The following SWT1 variants were observed in gnomAD, a reference collection of about 807,000 sequenced individuals.
The protein encoded by SWT1 is SWT1 RNA endoribonuclease homolog, also known as transcriptional protein SWT1.
Under a neutral mutation model 107.3 loss-of-function variants are expected in SWT1, and 33 were observed. That is an observed-to-expected ratio of 0.31 (90% CI 0.23 to 0.41). The LOEUF is 0.41. Among genes scored for constraint, SWT1 ranks in the 10% least tolerant of loss-of-function variants. SWT1 has a pLI of 1.00. For missense variants in SWT1, 898 were observed against 1,028.9 expected, an observed-to-expected ratio of 0.87 and a Z score of 1.74; for synonymous variants, 345 against 348.3, an observed-to-expected ratio of 0.99 and a Z score of 0.11.
At position 185,187,625 on chromosome 1, in the gene SWT1, A is replaced by G. The variant is rs570037270; in HGVS notation, c.1429+2694A>G. Among the ~76,000 whole-genome samples the G allele has an allele frequency of 5.3e-5, 8 of 152,232 alleles. No individual in the cohort carries two copies. In the East Asian group the frequency reaches 1.5e-3, roughly 29 times the overall value. On this transcript the variant is annotated intron_variant, in intron 9 of 18. Transcript: ENST00000367500. ...ACTATGATTTATATAGAATTTATTT[A>G]TTCTGTATGTGAGTGAGGTCATTGA...
intron 16 of SWT1, among the ~76,000 whole-genome samples, chr1:185,239,649 C>A (rs1195042583): frequency 1.3e-5 from 2 of 151,902 alleles, no homozygotes; most frequent in Non-Finnish European, 1.5e-5. Context: ...AATTTGAGCA[C>A]TTTTGTTAAT....
intron 18 of SWT1, among the ~76,000 whole-genome samples, chr1:185,277,575 C>CCA (rs1262805181): frequency 6.6e-6 from 1 of 152,160 alleles, no homozygotes; most frequent in African/African-American, 2.4e-5. Flanking sequence ...CAGGCTTGAG[C>CCA]CACCGCACCT....
chr1:185,290,837 G>A lies in SWT1; in HGVS notation c.*34G>A. 1 of 1,576,396 alleles carries A rather than the reference G, an allele frequency of 6.3e-7. No homozygotes were observed. Among genetic ancestry groups the A allele is most frequent in the Non-Finnish European group, 8.6e-7 (1 of 1,157,878 alleles). ...TTGTAACTTTAAAGGAATTGCATTT[G>A]TCCTTAAGAATAACAGAGTAGTTTT... is the stretch of plus-strand genomic sequence containing the variant. On this transcript the variant is annotated 3_prime_UTR_variant, in exon 19 of 19. Coordinates refer to ENST00000367500, the MANE Select transcript of SWT1 (RefSeq NM_017673.7).
chr1:185,260,033 T>G (rs536792024), intron 16 of SWT1, among the ~76,000 whole-genome samples: 2 of 152,272 alleles, frequency 1.3e-5, no homozygotes, highest in South Asian at 4.1e-4. Flanking sequence ...ACTTTAGAAA[T>G]GCCTTGGAAC....
intron 10 of SWT1, among the ~76,000 whole-genome samples, chr1:185,193,850 G>C (rs1558029675): frequency 6.6e-6 from 1 of 152,150 alleles, no homozygotes; most frequent in Non-Finnish European, 1.5e-5. Context: ...TCTCCTTTCA[G>C]TTCTATTTGT....
At chr1:185,213,408 G>A (rs1205803985) in intron 13 of SWT1, among the ~76,000 whole-genome samples, 1 of 152,082 alleles carries the variant, frequency 6.6e-6, no homozygotes, top group African/African-American at 2.4e-5. Flanking sequence ...TATATTTTTG[G>A]ATAAAGGAGA....
At chr1:185,271,443 A>C in intron 17 of SWT1, 54 bp downstream of exon 17, 1 of 929,430 alleles carries the variant, frequency 1.1e-6, no homozygotes, top group Non-Finnish European at 1.7e-6. Context: ...ACAAATTTTA[A>C]TGTAAATAAA....
chr1:185,177,466 C>G, intron 5 of SWT1, among the ~76,000 whole-genome samples: 1 of 152,314 alleles, frequency 6.6e-6, no homozygotes, highest in Middle Eastern at 3.4e-3. Flanking sequence ...AATTTAGACT[C>G]TTTATAAACT....
Position 185,233,458 on chromosome 1 carries a change from A to G in SWT1, c.2441+1750A>G, listed in dbSNP as rs1660634968. Among the ~76,000 whole-genome samples, 5 of 152,242 alleles carry G rather than the reference A, an allele frequency of 3.3e-5. No homozygotes were observed. In the South Asian group the frequency reaches 1.0e-3, roughly 32 times the overall value. ...CATTTAGTGCTATAAATTTCCCTCT[A>G]CACACTGCTTTAAATGTGTCCCAGA... On this transcript the variant is annotated intron_variant, in intron 16 of 18. Transcript: ENST00000367500.
At chr1:185,175,168 G>T in intron 5 of SWT1, 55 bp downstream of exon 5, 14 of 1,183,038 alleles carry the variant, frequency 1.2e-5, no homozygotes, top group South Asian at 2.5e-5. Flanking sequence ...TATTAATATA[G>T]TTAAGTTTTT....
chr1:185,288,447 CTTTA>C (rs1297196460), intron 18 of SWT1, among the ~76,000 whole-genome samples: 7 of 152,208 alleles, frequency 4.6e-5, no homozygotes, highest in South Asian at 4.1e-4. Flanking sequence ...GGTACATTTA[CTTTA>C]TTATTATTTA....
chr1:185,177,650 T>C (rs1357170346), intron 5 of SWT1, among the ~76,000 whole-genome samples: 1 of 152,212 alleles, frequency 6.6e-6, no homozygotes, highest in East Asian at 1.9e-4. Context: ...AGATAATTAT[T>C]TTCCTAAAAT....
chr1:185,166,745 A>G, intron 3 of SWT1, 93 bp downstream of exon 3: 1 of 760,738 alleles, frequency 1.3e-6, no homozygotes, highest in Non-Finnish European at 2.1e-6. Context: ...ACTTTTTGAT[A>G]GCCAATAGAA....
intron 10 of SWT1, among the ~76,000 whole-genome samples, chr1:185,192,980 T>C (rs1334625296): frequency 6.6e-6 from 1 of 152,148 alleles, no homozygotes; most frequent in African/African-American, 2.4e-5. Flanking sequence ...TTGTGCTCTT[T>C]CTTTCTTGTT....
At chr1:185,249,734 T>G (rs529733758) in intron 16 of SWT1, among the ~76,000 whole-genome samples, 1 of 152,128 alleles carries the variant, frequency 6.6e-6, no homozygotes, top group Non-Finnish European at 1.5e-5. Flanking sequence ...AATCCAGCCA[T>G]GCACATGTTG....
chr1:185,243,281 T>G (rs1319307566), intron 16 of SWT1, among the ~76,000 whole-genome samples: 1 of 152,166 alleles, frequency 6.6e-6, no homozygotes, highest in Non-Finnish European at 1.5e-5. Context: ...GCCTATTTTT[T>G]GTACTTTTTG....
intron 5 of SWT1, among the ~76,000 whole-genome samples, chr1:185,175,570 A>G (rs1213788234): frequency 6.6e-6 from 1 of 152,154 alleles, no homozygotes; most frequent in Non-Finnish European, 1.5e-5. Context: ...TAGATGGCTG[A>G]TTCAAATTTA....
rs1664930663 is a variant in SWT1, at chr1:185,286,111, A to G, written c.2574-4563A>G. ...TTGTTGGGATTTTGATAGAAATTGC[A>G]TTGACAATGTAGATCAGTTTGGGGA... On this transcript the variant is annotated intron_variant, in intron 18 of 18. Transcript: ENST00000367500. 2.0e-5 allele frequency among the ~76,000 whole-genome samples: 3 copies of G among 152,202 alleles called. No homozygotes were observed. In the South Asian group the frequency reaches 6.2e-4, roughly 32 times the overall value.
At chr1:185,280,681 C>T (rs1396704302) in intron 18 of SWT1, among the ~76,000 whole-genome samples, 1 of 152,204 alleles carries the variant, frequency 6.6e-6, no homozygotes. Context: ...AATAATCCAT[C>T]ATGCCTACAG....
Sources: allele counts gnomAD v4.1 joint callset (sites outside exome capture counted in the v4.1 genomes callset), GRCh38; gene constraint gnomAD v4.1.1; transcripts MANE v1.5; gene names NCBI Gene and HGNC (gene_info 2026-07-23, HGNC 2026-07-21).